The following DPY19L4 variants were observed in gnomAD, a reference collection of about 807,000 sequenced individuals.
DPY19L4 encodes dpy-19 like 4.
Under a neutral mutation model 102.8 loss-of-function variants are expected in DPY19L4, and 97 were observed. The ratio of observed to expected loss-of-function variants is 0.94; its 90% confidence interval spans 0.80 to 1.12. The LOEUF (loss-of-function observed/expected upper bound fraction) is 1.12, where lower values mean the gene tolerates loss of function less well. Ranked by LOEUF, DPY19L4 falls within the 50% of genes most tolerant of loss-of-function variation. The probability of loss-of-function intolerance (pLI) is 0.00; values close to 1 mark genes in which losing one functional copy is unlikely to be tolerated. For missense variants in DPY19L4, 815 were observed against 850.4 expected, an observed-to-expected ratio of 0.96 and a Z score of 0.52; for synonymous variants, 252 against 283.1, an observed-to-expected ratio of 0.89 and a Z score of 1.10.
In DPY19L4 at chr8:94,770,448, G is replaced by A. The variant is rs1812874731; in HGVS notation, c.1335-4G>A. ...GTATTAAAAAATACATTTTCTTTTT[G>A]TAGTGGTAAGTCCCTGAAGGAAACT... is the stretch of plus-strand genomic sequence containing the variant. On this transcript the variant is annotated splice_region_variant and splice_polypyrimidine_tract_variant and intron_variant, in intron 12 of 18. Coordinates refer to ENST00000414645, the MANE Select transcript of DPY19L4 (RefSeq NM_181787.3). The A allele has an allele frequency of 3.1e-6, 5 of 1,594,982 alleles. No homozygotes were observed. Among genetic ancestry groups the A allele is most frequent in the Admixed American group, 1.8e-5 (1 of 54,208 alleles).
chr8:94,734,511 C>G, intron 2 of DPY19L4, 119 bp from the exon 3 acceptor site: 1 of 1,010,944 alleles, frequency 9.9e-7, no homozygotes, highest in Non-Finnish European at 1.4e-6. Flanking sequence ...GCTTTTCTCA[C>G]AATTAGACTC....
At position 94,753,498 on chromosome 8, in the gene DPY19L4, T is replaced by A. The variant is rs540777026; in HGVS notation, c.612-2538T>A. ...TCTTTCTTCCTAGGAAATTCTTTTG[T>A]TTTTGCTTAGCTACTGAACTGTTGT... On this transcript the variant is annotated intron_variant, in intron 6 of 18. Coordinates refer to ENST00000414645, the MANE Select transcript of DPY19L4 (RefSeq NM_181787.3). 3.9e-5 allele frequency among the ~76,000 whole-genome samples: 6 copies of A among 152,320 alleles called. No homozygotes were observed. The South Asian group carries it at 1.2e-3, about 32-fold the overall frequency.
chr8:94,720,148 G>C, intron 1 of DPY19L4, 134 bp downstream of exon 1: 1 of 1,385,188 alleles, frequency 7.2e-7, no homozygotes, highest in Non-Finnish European at 9.4e-7. Context: ...GGGCGGGAAG[G>C]AGCGCGGCGC....
intron 6 of DPY19L4, chr8:94,744,866 C>A: frequency 4.2e-6 from 1 of 239,756 alleles, no homozygotes; most frequent in Non-Finnish European, 8.3e-6. Flanking sequence ...TCAAATGTAT[C>A]TTTTGACAAT....
Position 94,739,765 on chromosome 8 carries a change from A to G in DPY19L4, c.586A>G (p.Thr196Ala), listed in dbSNP as rs1284925121. 2.5e-6 allele frequency: 4 copies of G among 1,612,576 alleles called. No homozygotes were observed. In the South Asian group the frequency reaches 4.4e-5, roughly 18 times the overall value. The stretch of plus-strand genomic sequence containing the variant: ...TGGAACATGGCTAGCAGGAATGCTT[A>G]CTGTTGCGTGGTTCGTTATTAACAG... ...MSGTWLAGML[T>A]VAWFVINRVD... The change falls in exon 6 of 19, where the codon ACT (threonine) becomes GCT (alanine). Residue 196 changes from threonine (T) to alanine (A), a missense_variant. Transcript: ENST00000414645.
chr8:94,723,250 ATCACGAGG>A, intron 1 of DPY19L4, among the ~76,000 whole-genome samples: 1 of 152,332 alleles, frequency 6.6e-6, no homozygotes. Context: ...AGGCGGGCAA[ATCACGAGG>A]TCAGGAGTTT....
At chr8:94,737,402 C>T (rs1811230921) in intron 3 of DPY19L4, among the ~76,000 whole-genome samples, 1 of 152,022 alleles carries the variant, frequency 6.6e-6, no homozygotes, top group Non-Finnish European at 1.5e-5. Flanking sequence ...TCTCAAACTC[C>T]TGACCTTAAG....
At chr8:94,724,340 C>T (rs1040540922) in intron 1 of DPY19L4, among the ~76,000 whole-genome samples, 3 of 152,160 alleles carry the variant, frequency 2.0e-5, no homozygotes, top group Non-Finnish European at 2.9e-5. Flanking sequence ...TTATATCTTC[C>T]CCTTGTATTC....
intron 6 of DPY19L4, among the ~76,000 whole-genome samples, chr8:94,752,441 C>T (rs577105588): frequency 5.5e-4 from 83 of 151,358 alleles, no homozygotes; most frequent in Non-Finnish European, 1.0e-3. Context: ...CAAAAATTAT[C>T]CGGACATGGT....
intron 13 of DPY19L4, 144 bp from the exon 14 acceptor site, chr8:94,777,522 C>T (rs1417536980): frequency 1.3e-5 from 13 of 991,298 alleles, no homozygotes; most frequent in Non-Finnish European, 1.8e-5. Context: ...CAATCTGTTG[C>T]TGAAAATTAG....
intron 9 of DPY19L4, 57 bp from the exon 10 acceptor site, chr8:94,765,654 T>A: frequency 1.5e-6 from 2 of 1,324,328 alleles, no homozygotes; most frequent in African/African-American, 1.5e-5. Context: ...GATTACTTTT[T>A]AAATTGTTAA....
intron 12 of DPY19L4, among the ~76,000 whole-genome samples, 156 bp downstream of exon 12, chr8:94,768,709 G>A (rs1399027517): frequency 6.6e-6 from 1 of 151,946 alleles, no homozygotes; most frequent in Non-Finnish European, 1.5e-5. Flanking sequence ...TATAAGATGT[G>A]TTGGCCAGGT....
intron 2 of DPY19L4, among the ~76,000 whole-genome samples, chr8:94,728,128 A>G (rs1810770761): frequency 6.6e-6 from 1 of 152,024 alleles, no homozygotes; most frequent in African/African-American, 2.4e-5. Context: ...CACTTGGTTA[A>G]TTTTTGTATT....
intron 12 of DPY19L4, 143 bp from the exon 13 acceptor site, chr8:94,770,309 C>G (rs1355593927): frequency 1.1e-6 from 1 of 949,530 alleles, no homozygotes; most frequent in Non-Finnish European, 1.5e-6. Flanking sequence ...AATATACTTT[C>G]AAATTTTAAA....
intron 7 of DPY19L4, among the ~76,000 whole-genome samples, chr8:94,760,194 TG>T (rs1812341431): frequency 6.6e-6 from 1 of 152,224 alleles, no homozygotes; most frequent in Non-Finnish European, 1.5e-5. Flanking sequence ...AGTCAACCCT[TG>T]GAATTAACAA....
At position 94,741,133 on chromosome 8, in the gene DPY19L4, T is replaced by A. The variant is rs531055874; in HGVS notation, c.611+1343T>A. Reference sequence around the variant, plus strand: ...GTTGAAATATATGGTAGATTATATATTTTTCATGTTCCATGACAGTAGAAA... The same window carrying A: ...GTTGAAATATATGGTAGATTATATAATTTTCATGTTCCATGACAGTAGAAA... On this transcript the variant is annotated intron_variant, in intron 6 of 18. Coordinates refer to ENST00000414645, the MANE Select transcript of DPY19L4 (RefSeq NM_181787.3). 2.6e-5 allele frequency among the ~76,000 whole-genome samples: 4 copies of A among 152,314 alleles called. No individual in the cohort carries two copies. In the South Asian group the frequency reaches 8.3e-4, roughly 32 times the overall value.
At chr8:94,749,578 T>C (rs1215894414) in intron 6 of DPY19L4, among the ~76,000 whole-genome samples, 2 of 151,970 alleles carry the variant, frequency 1.3e-5, no homozygotes, top group Non-Finnish European at 2.9e-5. Context: ...CTTTCCTAAA[T>C]AGGGAGAAGG....
In DPY19L4 at chr8:94,763,607, G is replaced by A. The variant is rs542979316; in HGVS notation, c.871-1576G>A. On this transcript the variant is annotated intron_variant, in intron 8 of 18. Coordinates refer to ENST00000414645, the MANE Select transcript of DPY19L4 (RefSeq NM_181787.3). ...GCGATCTCAGCTCACTGTAGCCTCC[G>A]CCTCCCAGGTTCAAGTGATTATCTT... 7.9e-5 allele frequency among the ~76,000 whole-genome samples: 12 copies of A among 151,098 alleles called. No individual in the cohort carries two copies. In the East Asian group the frequency reaches 2.3e-3, roughly 30 times the overall value.
intron 7 of DPY19L4, among the ~76,000 whole-genome samples, chr8:94,759,588 C>A (rs1563596857): frequency 1.4e-5 from 2 of 146,770 alleles, no homozygotes; most frequent in East Asian, 4.0e-4. Flanking sequence ...CTCACTGCAA[C>A]CTCTGCCTCC....
Sources: gnomAD v4.1 joint callset for allele counts (sites outside exome capture counted in the v4.1 genomes callset) on GRCh38, gnomAD v4.1.1 for gene constraint, MANE v1.5 for transcripts, NCBI Gene and HGNC (gene_info 2026-07-23, HGNC 2026-07-21) for gene names.